PCDHA9: variants seen among roughly 807,000 people sequenced by gnomAD.
The protein encoded by PCDHA9 is protocadherin alpha-9.
In PCDHA9, 62 loss-of-function variants were observed where a neutral mutation model predicts 62.0. That is an observed-to-expected ratio of 1.00 (90% CI 0.81 to 1.23). The LOEUF (loss-of-function observed/expected upper bound fraction) is 1.23. Among genes scored for constraint, PCDHA9 ranks in the 50% most tolerant of loss-of-function variants. The pLI is 0.00. For missense variants in PCDHA9, 1,205 were observed against 1,249.8 expected (o/e 0.96, Z 0.54); for synonymous variants, 557 against 567.6 (o/e 0.98, Z 0.27).
At chr5:140,897,610 C>T (rs1439314706) in intron 1 of PCDHA9, among the ~76,000 whole-genome samples, 2 of 152,078 alleles carry the variant, frequency 1.3e-5, no homozygotes, top group East Asian at 1.9e-4. Context: ...TGGGTTGGTT[C>T]CAAGTCTTTA....
intron 3 of PCDHA9, among the ~76,000 whole-genome samples, chr5:140,990,875 G>A: frequency 6.6e-6 from 1 of 152,198 alleles, no homozygotes; most frequent in East Asian, 1.9e-4. Flanking sequence ...TTAAGTGTAT[G>A]TTCCAGTGAG....
chr5:140,871,017 G>C, intron 1 of PCDHA9: 2 of 1,613,298 alleles, frequency 1.2e-6, no homozygotes, highest in Non-Finnish European at 8.5e-7. Flanking sequence ...CCCTGGACGA[G>C]GCAGACTCGC....
chr5:141,009,820 CT>C lies in PCDHA9; in HGVS notation c.2738del (p.Phe913SerfsTer2). On this transcript the variant is annotated frameshift_variant, in exon 4 of 4. Transcript: ENST00000532602. LOFTEE classifies it high-confidence loss of function. ...CTAACAGCCAAATTGACAAAAGTGACTTCATAACCTTCGGCAAAAAGGAGGA... is the reference window on the plus strand; with the variant it reads ...CTAACAGCCAAATTGACAAAAGTGACTCATAACCTTCGGCAAAAAGGAGGA... ...PTNSQIDKSDFITFGKKEETK... is the reference protein window; with the variant it reads ...PTNSQIDKSDXITFGKKEETK... 6.2e-7 allele frequency: 1 copy of C among 1,613,960 alleles called. No individual in the cohort carries two copies. Among genetic ancestry groups the C allele is most frequent in the Non-Finnish European group, 8.5e-7 (1 of 1,179,996 alleles).
At chr5:141,003,324 C>T (rs909788744) in intron 3 of PCDHA9, among the ~76,000 whole-genome samples, 4 of 152,132 alleles carry the variant, frequency 2.6e-5, no homozygotes, top group African/African-American at 9.7e-5. Flanking sequence ...TTCCAGAGGG[C>T]AGGGTTTTTT....
At chr5:140,851,466 A>C in intron 1 of PCDHA9, 1 of 895,524 alleles carries the variant, frequency 1.1e-6, no homozygotes, top group Non-Finnish European at 1.4e-6. Context: ...AAATTATGTC[A>C]ATAAATGTTA....
At chr5:140,896,517 A>G (rs1300184594) in intron 1 of PCDHA9, among the ~76,000 whole-genome samples, 1 of 149,680 alleles carries the variant, frequency 6.7e-6, no homozygotes, top group African/African-American at 2.5e-5. Flanking sequence ...GGCACACACC[A>G]CAAAGCCCAG....
At position 140,858,138 on chromosome 5, in the gene PCDHA9, A is replaced by T. The variant is rs577433161; in HGVS notation, c.2394+7249A>T. On this transcript the variant is annotated intron_variant, in intron 1 of 3. Coordinates refer to ENST00000532602, the MANE Select transcript of PCDHA9 (RefSeq NM_031857.2). ...GTGGCCCTGGTGGATGTCAACGTGT[A>T]CCTGATCATCGCCATCTGCGCGGTG... 43 of 1,597,514 alleles carry T rather than the reference A, an allele frequency of 2.7e-5. 1 individual carries two copies. The African/African-American group carries it at 5.5e-4, about 20-fold the overall frequency.
At chr5:140,988,182 G>A (rs191995725) in intron 3 of PCDHA9, among the ~76,000 whole-genome samples, 79 of 152,240 alleles carry the variant, frequency 5.2e-4, no homozygotes, top group African/African-American at 1.5e-3. Flanking sequence ...ACAGTCCTGG[G>A]AGGTGTGTGC....
At chr5:140,917,334 G>T (rs1466426021) in intron 1 of PCDHA9, among the ~76,000 whole-genome samples, 7 of 147,628 alleles carry the variant, frequency 4.7e-5, no homozygotes, top group Admixed American at 4.1e-4. Context: ...CGGGGGAGGG[G>T]GGGGATGGTG....
chr5:140,849,729 G>C lies in PCDHA9; in HGVS notation c.1234G>C (p.Ala412Pro), dbSNP rs1180272167. 2.5e-6 allele frequency: 4 copies of C among 1,598,492 alleles called. 1 individual carries two copies. Among genetic ancestry groups the C allele is most frequent in the Non-Finnish European group, 3.4e-6 (4 of 1,168,006 alleles). The change falls in exon 1 of 4, where the codon GCT becomes CCT. Residue 412 changes from alanine to proline, a missense_variant. Coordinates refer to ENST00000532602, the MANE Select transcript of PCDHA9 (RefSeq NM_031857.2). ...KNYYSLVLDRALDRESVSAYE... is the reference protein window; with the variant it reads ...KNYYSLVLDRPLDRESVSAYE... Reference sequence around the variant, plus strand: ...TTACTACTCGTTGGTGCTGGACAGAGCTCTGGACCGCGAGAGTGTGTCCGC... The same window carrying C: ...TTACTACTCGTTGGTGCTGGACAGACCTCTGGACCGCGAGAGTGTGTCCGC...
intron 2 of PCDHA9, 123 bp from the exon 3 acceptor site, chr5:140,982,352 G>A (rs1554244046): frequency 4.0e-6 from 6 of 1,507,640 alleles, no homozygotes; most frequent in Non-Finnish European, 5.3e-6. Context: ...TTCAGTTCAA[G>A]CATGAGCAGA....
intron 1 of PCDHA9, among the ~76,000 whole-genome samples, chr5:140,880,869 G>C (rs1017640769): frequency 6.6e-6 from 1 of 152,064 alleles, no homozygotes. Context: ...TATGTGAAGA[G>C]GTAAATAAAG....
At chr5:140,906,124 G>A (rs1399975318) in intron 1 of PCDHA9, among the ~76,000 whole-genome samples, 2 of 151,992 alleles carry the variant, frequency 1.3e-5, no homozygotes, top group Non-Finnish European at 2.9e-5. Flanking sequence ...TGACACAAAT[G>A]TTAGTCTCCT....
At chr5:140,895,481 A>G (rs1344099308) in intron 1 of PCDHA9, among the ~76,000 whole-genome samples, 1 of 152,168 alleles carries the variant, frequency 6.6e-6, no homozygotes, top group African/African-American at 2.4e-5. Flanking sequence ...CTTCGGAGAA[A>G]TACCTATTCA....
intron 1 of PCDHA9, among the ~76,000 whole-genome samples, chr5:140,955,954 T>C (rs782364189): frequency 2.0e-5 from 3 of 152,184 alleles, no homozygotes; most frequent in Non-Finnish European, 2.9e-5. Context: ...TACTTGCTTG[T>C]TGTTTGTGCA....
intron 1 of PCDHA9, among the ~76,000 whole-genome samples, chr5:140,922,233 A>T (rs1226444776): frequency 6.6e-6 from 1 of 152,220 alleles, no homozygotes; most frequent in Non-Finnish European, 1.5e-5. Flanking sequence ...CTCAACCATG[A>T]TGTGTATGAA....
chr5:140,910,324 T>C (rs2074979860), intron 1 of PCDHA9, among the ~76,000 whole-genome samples: 3 of 152,220 alleles, frequency 2.0e-5, no homozygotes, highest in Non-Finnish European at 4.4e-5. Flanking sequence ...AGTCAGACTA[T>C]TGTGATTGCT....
rs373157192 is a variant in PCDHA9, at chr5:140,869,487, C to G, written c.2394+18598C>G. On this transcript the variant is annotated intron_variant, in intron 1 of 3. Transcript: ENST00000532602. ...ACGTGGAGGTGAAGGACATTAACGA[C>G]AACCCGCCGGTGTTCTCGCTCAGAG... The G allele has an allele frequency of 3.1e-6, 5 of 1,614,180 alleles. No homozygotes were observed. The South Asian group carries it at 5.5e-5, about 18-fold the overall frequency.
At chr5:140,964,174 A>G (rs1187603456) in intron 1 of PCDHA9, among the ~76,000 whole-genome samples, 2 of 152,250 alleles carry the variant, frequency 1.3e-5, no homozygotes, top group African/African-American at 4.8e-5. Flanking sequence ...GAACGAAATC[A>G]TTATAGTGCC....
Sources: allele counts gnomAD v4.1 joint callset (sites outside exome capture counted in the v4.1 genomes callset), GRCh38; gene constraint gnomAD v4.1.1; transcripts MANE v1.5; gene names NCBI Gene and HGNC (gene_info 2026-07-23, HGNC 2026-07-21).